SPINT2: variants seen among roughly 807,000 people sequenced by gnomAD.
SPINT2 encodes serine peptidase inhibitor, Kunitz type 2.
A neutral mutation model predicts 30.1 loss-of-function variants in SPINT2; 18 were observed. That is an observed-to-expected ratio of 0.60 (90% CI 0.41 to 0.89). The LOEUF is 0.89. Among genes scored for constraint, SPINT2 ranks in the 40% least tolerant of loss-of-function variants. SPINT2 has a pLI of 0.00. For missense variants in SPINT2, 276 were observed against 334.3 expected, an observed-to-expected ratio of 0.83 and a Z score of 1.36; for synonymous variants, 139 against 137.9, an observed-to-expected ratio of 1.01 and a Z score of -0.05.
At chr19:38,275,144 T>C (rs1968501246) in intron 1 of SPINT2, among the ~76,000 whole-genome samples, 1 of 152,234 alleles carries the variant, frequency 6.6e-6, no homozygotes, top group Non-Finnish European at 1.5e-5. Flanking sequence ...TCGTAAGTTA[T>C]ATGGTGAGAA....
rs905754320 is a variant in SPINT2 at position 38,290,751 on chromosome 19, C to T, written c.592+176C>T. ...GTGGTTTGTCCCACCGTTCAGTGTACACAGTTGGGGCTGGAGTGAGTCAGT... is the reference window on the plus strand; with the variant it reads ...GTGGTTTGTCCCACCGTTCAGTGTATACAGTTGGGGCTGGAGTGAGTCAGT... On this transcript the variant is annotated intron_variant, in intron 6 of 6. Coordinates refer to ENST00000301244, the MANE Select transcript of SPINT2 (RefSeq NM_021102.4). This position sits in a 1 kb window ranked among gnomAD's most constrained non-coding sequence, Gnocchi z 4.3. 2 of 921,034 alleles carry T rather than the reference C, an allele frequency of 2.2e-6. No individual in the cohort carries two copies. The highest frequency in any genetic ancestry group is 1.7e-6 in the Non-Finnish European group (1 of 596,158). The allele number at this position is 921,034 out of a possible 1,614,324, so 57.1% of individuals were successfully genotyped here. A position where few individuals can be genotyped will look rare whatever the true frequency, so the allele number is the denominator to read the frequency against.
chr19:38,271,358 G>A (rs1005597848), intron 1 of SPINT2, among the ~76,000 whole-genome samples: 1 of 152,050 alleles, frequency 6.6e-6, no homozygotes, highest in South Asian at 2.1e-4. Flanking sequence ...CTCGCGTGGT[G>A]GCGGGCGCCT....
chr19:38,281,666 G>A (rs1485856913), intron 1 of SPINT2, among the ~76,000 whole-genome samples: 2 of 151,748 alleles, frequency 1.3e-5, no homozygotes, highest in Admixed American at 6.6e-5. Context: ...CGGAGATCAC[G>A]CCTCTGCACT....
intron 3 of SPINT2, chr19:38,288,269 C>T (rs1968666972): frequency 2.3e-6 from 1 of 434,172 alleles, no homozygotes; most frequent in Non-Finnish European, 4.3e-6. Context: ...GCTGACCCCA[C>T]TCCCCACCCA....
intron 3 of SPINT2, chr19:38,288,486 G>A (rs1393175321): frequency 4.7e-6 from 1 of 214,856 alleles, no homozygotes; most frequent in Non-Finnish European, 9.5e-6. Flanking sequence ...TCTGCATCGG[G>A]CGCCTGGGGT....
Position 38,283,712 on chromosome 19 carries a change from G to C in SPINT2, c.192G>C (p.Gln64His). The part of the protein sequence containing the change: ...WWYNVTDGSC[Q>H]LFVYGGCDGN... ...ACAATGTCACTGACGGATCCTGCCAGCTGTTTGTGTATGGGGGCTGTGACG... is the reference window on the plus strand; with the variant it reads ...ACAATGTCACTGACGGATCCTGCCACCTGTTTGTGTATGGGGGCTGTGACG... The change falls in exon 2 of 7, where the codon CAG becomes CAC. Residue 64 changes from glutamine (Q) to histidine (H), a missense_variant. Coordinates refer to ENST00000301244, the MANE Select transcript of SPINT2 (RefSeq NM_021102.4). The C allele has an allele frequency of 1.2e-6, 2 of 1,614,130 alleles. No individual in the cohort carries two copies. Among genetic ancestry groups the C allele is most frequent in the Non-Finnish European group, 8.5e-7 (1 of 1,180,022 alleles).
At chr19:38,285,235 G>A (rs1968627306) in intron 2 of SPINT2, among the ~76,000 whole-genome samples, 1 of 152,230 alleles carries the variant, frequency 6.6e-6, no homozygotes, top group Admixed American at 6.5e-5. Flanking sequence ...TCTTAGCTGA[G>A]TGAGAAGGAC....
At chr19:38,289,352 C>T in intron 4 of SPINT2, 161 bp downstream of exon 4, 2 of 603,416 alleles carry the variant, frequency 3.3e-6, no homozygotes, top group Non-Finnish European at 6.1e-6. Context: ...GACGTAGTGG[C>T]ATGCACCTGT....
At position 38,272,563 on chromosome 19, in the gene SPINT2, G is replaced by T. The variant is rs1398343640; in HGVS notation, c.106+7565G>T. 6.6e-5 allele frequency among the ~76,000 whole-genome samples: 10 copies of T among 152,250 alleles called. No homozygotes were observed. The East Asian group carries it at 1.9e-3, about 29-fold the overall frequency. ...CAGCAGACAGTTTCTTAGAAGATTTGAAACTATTGTTTCCTTCCCAGCTAT... is the reference window on the plus strand; with the variant it reads ...CAGCAGACAGTTTCTTAGAAGATTTTAAACTATTGTTTCCTTCCCAGCTAT... On this transcript the variant is annotated intron_variant, in intron 1 of 6. Coordinates refer to ENST00000301244, the MANE Select transcript of SPINT2 (RefSeq NM_021102.4).
Position 38,265,010 on chromosome 19 carries a change from G to A in SPINT2, c.106+12G>A, listed in dbSNP as rs1397093095. On this transcript the variant is annotated intron_variant, in intron 1 of 6. Coordinates refer to ENST00000301244, the MANE Select transcript of SPINT2 (RefSeq NM_021102.4). The stretch of plus-strand genomic sequence containing the variant: ...ACGCAGCATCCACGGTGAGGGCCGG[G>A]CGGGTAGGCTGGAGGCGGGGCGCAG... 1.3e-6 allele frequency: 2 copies of A among 1,530,022 alleles called. No homozygotes were observed. Among genetic ancestry groups the A allele is most frequent in the Admixed American group, 2.0e-5 (1 of 50,654 alleles). The allele number at this position is 1,530,022 out of a possible 1,614,324, so 94.8% of individuals were successfully genotyped here.
At chr19:38,288,440 G>A (rs909421071) in intron 3 of SPINT2, 29 of 251,900 alleles carry the variant, frequency 1.2e-4, no homozygotes, top group African/African-American at 6.0e-4. Flanking sequence ...TAGTGCTGGC[G>A]GCTGCTGCCC....
At chr19:38,270,173 C>G (rs984512610) in intron 1 of SPINT2, among the ~76,000 whole-genome samples, 1 of 152,182 alleles carries the variant, frequency 6.6e-6, no homozygotes, top group African/African-American at 2.4e-5. Context: ...CCTCCTCACC[C>G]CCATGGATAG....
At chr19:38,287,735 G>A (rs186304462) in intron 2 of SPINT2, 141 bp from the exon 3 acceptor site, 1 of 882,204 alleles carries the variant, frequency 1.1e-6, no homozygotes, top group Non-Finnish European at 1.9e-6. Context: ...TTTCCAAGTT[G>A]TGGTCTGGCA....
intron 1 of SPINT2, among the ~76,000 whole-genome samples, chr19:38,281,977 C>T (rs1034882579): frequency 3.9e-5 from 6 of 152,142 alleles, no homozygotes; most frequent in Admixed American, 2.0e-4. Flanking sequence ...TACCCTCTAA[C>T]GGGTGACTTT....
intron 1 of SPINT2, among the ~76,000 whole-genome samples, chr19:38,270,461 C>T (rs1349158568): frequency 6.6e-6 from 1 of 152,168 alleles, no homozygotes; most frequent in South Asian, 2.1e-4. Flanking sequence ...CTCCCCCATC[C>T]GTGGCAGACG....
chr19:38,276,637 A>G (rs1011585523), intron 1 of SPINT2, among the ~76,000 whole-genome samples: 2 of 151,788 alleles, frequency 1.3e-5, no homozygotes, highest in South Asian at 2.1e-4. Context: ...GCGAGACTCC[A>G]TCTCAAAAAA....
rs1456132328 is a variant in SPINT2, at chr19:38,265,011, C to T, written c.106+13C>T. 3 of 1,325,584 alleles carry T rather than the reference C, an allele frequency of 2.3e-6. No individual in the cohort carries two copies. Among genetic ancestry groups the T allele is most frequent in the Non-Finnish European group, 2.9e-6 (3 of 1,033,330 alleles). 82.1% of individuals were successfully genotyped at this position (1,325,584 alleles called of 1,614,324 possible). A position where few individuals can be genotyped will look rare whatever the true frequency, so the allele number is the denominator to read the frequency against. The stretch of plus-strand genomic sequence containing the variant: ...CGCAGCATCCACGGTGAGGGCCGGG[C>T]GGGTAGGCTGGAGGCGGGGCGCAGG... On this transcript the variant is annotated intron_variant, in intron 1 of 6. Coordinates refer to ENST00000301244, the MANE Select transcript of SPINT2 (RefSeq NM_021102.4).
At chr19:38,284,045 G>A (rs1241918692) in intron 2 of SPINT2, among the ~76,000 whole-genome samples, 1 of 151,928 alleles carries the variant, frequency 6.6e-6, no homozygotes, top group African/African-American at 2.4e-5. Context: ...GTTTCACCTT[G>A]TTAGCCAGGA....
intron 1 of SPINT2, among the ~76,000 whole-genome samples, chr19:38,268,793 C>T (rs1402836865): frequency 7.8e-6 from 1 of 128,220 alleles, no homozygotes; most frequent in Non-Finnish European, 1.7e-5. Flanking sequence ...GTGTGTGTTA[C>T]GGCTGGCTGT....
Sources: gnomAD v4.1 joint callset for allele counts (sites outside exome capture counted in the v4.1 genomes callset) on GRCh38, gnomAD v4.1.1 for gene constraint, Gnocchi (gnomAD v3.1) non-coding constraint, MANE v1.5 for transcripts, NCBI Gene and HGNC (gene_info 2026-07-23, HGNC 2026-07-21) for gene names.